The following DAB1 variants were observed in gnomAD, a reference collection of about 807,000 sequenced individuals.
DAB1 encodes the protein disabled homolog 1.
In DAB1, 15 loss-of-function variants were observed where a neutral mutation model predicts 64.6. That is an observed-to-expected ratio of 0.23 (90% confidence interval 0.16 to 0.36). The LOEUF (loss-of-function observed/expected upper bound fraction) is 0.36, where lower values mean the gene tolerates loss of function less well. Among genes scored for constraint, DAB1 ranks in the 10% least tolerant of loss-of-function variants. The pLI, the probability that DAB1 is intolerant of heterozygous loss-of-function variation, is 1.00. For missense variants in DAB1, 596 were observed against 706.7 expected (o/e 0.84, Z 1.78); for synonymous variants, 235 against 251.9 (o/e 0.93, Z 0.64).
At chr1:58,264,492 T>C (rs1661117409) in intron 4 of DAB1, among the ~76,000 whole-genome samples, 2 of 152,372 alleles carry the variant, frequency 1.3e-5, no homozygotes, top group Non-Finnish European at 1.5e-5. Context: ...GGCTCATATA[T>C]ACTCATATAA....
intron 4 of DAB1, among the ~76,000 whole-genome samples, chr1:58,292,025 A>T (rs1569609210): frequency 6.6e-6 from 1 of 152,340 alleles, no homozygotes; most frequent in East Asian, 1.9e-4. Flanking sequence ...CCTTGAACAG[A>T]ACAAAAGGCA....
At chr1:57,535,682 G>A (rs758213028) in intron 7 of DAB1, among the ~76,000 whole-genome samples, 15 of 151,814 alleles carry the variant, frequency 9.9e-5, no homozygotes, top group Admixed American at 2.6e-4. Flanking sequence ...GGATGGTCTC[G>A]ATCTCCTGAC....
chr1:58,372,762 T>C (rs567135975), intron 3 of DAB1, among the ~76,000 whole-genome samples: 3 of 152,344 alleles, frequency 2.0e-5, no homozygotes, highest in African/African-American at 7.2e-5. Flanking sequence ...GATCTGATGC[T>C]TTAAAAGTGT....
rs1650874419 is a variant in DAB1, at chr1:58,094,605, A to C, written n.387+55906T>G. On this transcript the variant is annotated intron_variant and non_coding_transcript_variant, in intron 5 of 20. Coordinates refer to the DAB1 transcript ENST00000485760. ...TAAACGTAGTATCCTCTTCTTAACC[A>C]CTATTAGGACTGAATAAGGTACTGT... 2.0e-5 allele frequency among the ~76,000 whole-genome samples: 3 copies of C among 152,174 alleles called. No individual in the cohort carries two copies. The South Asian group carries it at 6.2e-4, about 32-fold the overall frequency.
chr1:57,450,546 T>C (rs1175987071), intron 7 of DAB1, among the ~76,000 whole-genome samples: 1 of 152,216 alleles, frequency 6.6e-6, no homozygotes, highest in Non-Finnish European at 1.5e-5. Flanking sequence ...AATTCTGTCC[T>C]ACTATGTCAC....
chr1:58,458,185 T>C (rs1333483701), intron 3 of DAB1, among the ~76,000 whole-genome samples: 1 of 152,234 alleles, frequency 6.6e-6, no homozygotes, highest in Non-Finnish European at 1.5e-5. Flanking sequence ...TTCTCATTTA[T>C]ACTAGCCACA....
chr1:57,145,358 T>C lies in DAB1; in HGVS notation c.139A>G (p.Ile47Val). The change falls in exon 3 of 15, where the codon ATC becomes GTC. Residue 47 changes from isoleucine to valine, a missense_variant. Physicochemically the swap from Ile to Val is conservative, Grantham distance 29. This residue lies in a region of DAB1 where 176 missense variants were observed against 266.7 expected (regional missense o/e 0.66). Transcript: ENST00000371236. Reference sequence around the variant, plus strand: ...GCTGCGGAAACTTCATCAATCCCGATCAATTTGGCTTTGTACCGGACCCCT... The same window carrying C: ...GCTGCGGAAACTTCATCAATCCCGACCAATTTGGCTTTGTACCGGACCCCT... ...GEGVRYKAKL[I>V]GIDEVSAARG... 1.2e-6 allele frequency: 2 copies of C among 1,614,110 alleles called. No homozygotes were observed. The highest frequency in any genetic ancestry group is 1.7e-6 in the Non-Finnish European group (2 of 1,179,984).
chr1:57,692,008 G>A (rs1361207763), intron 6 of DAB1, among the ~76,000 whole-genome samples: 1 of 152,058 alleles, frequency 6.6e-6, no homozygotes, highest in Non-Finnish European at 1.5e-5. Context: ...GGTTTGCCTG[G>A]AACCAGCTTC....
chr1:58,384,921 T>C (rs576870588), intron 3 of DAB1, among the ~76,000 whole-genome samples: 4 of 152,334 alleles, frequency 2.6e-5, no homozygotes, highest in South Asian at 4.1e-4. Flanking sequence ...CCCACCCAGA[T>C]TGAGGATGAC....
chr1:57,058,776 A>C (rs1228447156), intron 9 of DAB1, among the ~76,000 whole-genome samples: 1 of 152,228 alleles, frequency 6.6e-6, no homozygotes, highest in Non-Finnish European at 1.5e-5. Context: ...TAATGAAGCC[A>C]GGATTCAAAC....
At chr1:58,292,697 AC>A (rs1474781018) in intron 4 of DAB1, among the ~76,000 whole-genome samples, 3 of 152,112 alleles carry the variant, frequency 2.0e-5, no homozygotes, top group Non-Finnish European at 4.4e-5. Flanking sequence ...GACCCCAGAA[AC>A]CCCATGGCTG....
chr1:57,529,967 CA>C (rs1462837248), intron 7 of DAB1, among the ~76,000 whole-genome samples: 1 of 151,998 alleles, frequency 6.6e-6, no homozygotes, highest in Admixed American at 6.6e-5. Flanking sequence ...TATGAGTATA[CA>C]AAGCCTCTAT....
chr1:58,412,153 C>G (rs1169122360), intron 3 of DAB1, among the ~76,000 whole-genome samples: 1 of 152,166 alleles, frequency 6.6e-6, no homozygotes. Context: ...TGTTGCTCAG[C>G]TGGGAAGACA....
At chr1:57,345,037 T>C (rs1677968750) in intron 1 of DAB1, among the ~76,000 whole-genome samples, 1 of 152,232 alleles carries the variant, frequency 6.6e-6, no homozygotes, top group Non-Finnish European at 1.5e-5. Flanking sequence ...TTTATCTGGA[T>C]GCTCCTGGAC....
chr1:58,346,502 A>G (rs544512227), intron 3 of DAB1, among the ~76,000 whole-genome samples: 4 of 152,342 alleles, frequency 2.6e-5, no homozygotes, highest in African/African-American at 7.2e-5. Context: ...TGGTAGCTCA[A>G]TACAGGAAAT....
intron 5 of DAB1, among the ~76,000 whole-genome samples, chr1:57,990,876 G>T (rs1190501005): frequency 6.6e-6 from 1 of 152,112 alleles, no homozygotes; most frequent in Non-Finnish European, 1.5e-5. Context: ...CAGTGTTTAG[G>T]GTACTCAGAT....
chr1:58,517,600 T>A (rs1221740849), intron 2 of DAB1, among the ~76,000 whole-genome samples: 1 of 152,186 alleles, frequency 6.6e-6, no homozygotes, highest in Admixed American at 6.5e-5. Flanking sequence ...TATCTCCAAT[T>A]CATAATACTT....
chr1:57,942,749 T>C lies in DAB1; in HGVS notation n.388-58587A>G, dbSNP rs112603072. Among the ~76,000 whole-genome samples the C allele has an allele frequency of 7.1e-3, 1,079 of 152,280 alleles. 15 individuals carry two copies. Among genetic ancestry groups the C allele is most frequent in the African/African-American group, 0.025 (1,035 of 41,568 alleles). On this transcript the variant is annotated intron_variant and non_coding_transcript_variant, in intron 5 of 20. Transcript: ENST00000485760. ...AACGAGATGGAAGGAACAAAGGCCC[T>C]GGATGGCACAGAACAGAGCAACCTA... is the stretch of plus-strand genomic sequence containing the variant.
intron 5 of DAB1, among the ~76,000 whole-genome samples, chr1:57,965,016 T>G (rs1018509767): frequency 1.2e-5 from 1 of 86,222 alleles, no homozygotes; most frequent in Non-Finnish European, 3.4e-5. Context: ...TTATAAAGAC[T>G]GAGAATTCCA....
Sources: allele counts gnomAD v4.1 joint callset (sites outside exome capture counted in the v4.1 genomes callset), GRCh38; gene constraint gnomAD v4.1.1; regional missense constraint gnomAD v4.1.1; transcripts MANE v1.5; gene names NCBI Gene and HGNC (gene_info 2026-07-23, HGNC 2026-07-21).